BRINP1: variants seen among roughly 807,000 people sequenced by gnomAD.
BRINP1 encodes BMP/retinoic acid inducible neural specific 1.
Under a neutral mutation model 72.9 loss-of-function variants are expected in BRINP1, and 17 were observed. The ratio of observed to expected loss-of-function variants is 0.23; its 90% confidence interval spans 0.16 to 0.35. The LOEUF is 0.35. Ranked by LOEUF, BRINP1 falls within the 10% of genes least tolerant of loss-of-function variation. The pLI, the probability that BRINP1 is intolerant of heterozygous loss-of-function variation, is 1.00. For synonymous variants in BRINP1, 418 were observed against 378.5 expected, an observed-to-expected ratio of 1.10 and a Z score of -1.21; for missense variants, 850 against 1,001.6, an observed-to-expected ratio of 0.85 and a Z score of 2.04.
chr9:119,217,069 G>A (rs1296567806), intron 5 of BRINP1, among the ~76,000 whole-genome samples: 1 of 152,164 alleles, frequency 6.6e-6, no homozygotes, highest in East Asian at 1.9e-4. Flanking sequence ...ACTGTTTAAA[G>A]TTACATAACC....
chr9:119,280,404 AT>A (rs547288880), intron 2 of BRINP1, among the ~76,000 whole-genome samples: 302 of 141,858 alleles, frequency 2.1e-3, no homozygotes, highest in Middle Eastern at 7.2e-3. Flanking sequence ...ACACCCAGCT[AT>A]TTTTTTTTTT....
chr9:119,167,652 T>A lies in BRINP1; in HGVS notation c.1718A>T (p.Glu573Val). The A allele has an allele frequency of 6.2e-7, 1 of 1,613,946 alleles. No homozygotes were observed. Among genetic ancestry groups the A allele is most frequent in the Non-Finnish European group, 8.5e-7 (1 of 1,179,998 alleles). ...YVNPFSGSHS[E>V]GWNMPFGEFG... Reference sequence around the variant, plus strand: ...TTCCCCGAAGGGCATGTTCCAGCCCTCCGAATGGCTCCCGCTAAAGGGGTT... The same window carrying A: ...TTCCCCGAAGGGCATGTTCCAGCCCACCGAATGGCTCCCGCTAAAGGGGTT... Residue 573 changes from glutamate (E) to valine (V), a missense_variant, in exon 8 of 8, where the codon GAG becomes GTG. Coordinates refer to ENST00000265922, the MANE Select transcript of BRINP1 (RefSeq NM_014618.3). This position sits in a 1 kb window ranked among gnomAD's most constrained non-coding sequence, Gnocchi z 4.3.
chr9:119,170,017 C>A (rs1423381542), intron 7 of BRINP1, among the ~76,000 whole-genome samples: 1 of 152,086 alleles, frequency 6.6e-6, no homozygotes, highest in Non-Finnish European at 1.5e-5. Flanking sequence ...TAGATAAAAC[C>A]ACAAAGATGG....
chr9:119,208,690 G>T, intron 7 of BRINP1, 29 bp downstream of exon 7: 1 of 1,597,418 alleles, frequency 6.3e-7, no homozygotes, highest in Non-Finnish European at 8.6e-7. Context: ...GTAGGTGCCT[G>T]CAGAGGTGGA....
chr9:119,336,956 G>A (rs1219119439), intron 1 of BRINP1, among the ~76,000 whole-genome samples: 1 of 152,178 alleles, frequency 6.6e-6, no homozygotes, highest in Non-Finnish European at 1.5e-5. Flanking sequence ...GGATGGGGAA[G>A]CCTTTTCTTT....
intron 5 of BRINP1, among the ~76,000 whole-genome samples, chr9:119,228,734 T>C (rs908398365): frequency 1.3e-5 from 2 of 151,978 alleles, no homozygotes; most frequent in African/African-American, 4.8e-5. Flanking sequence ...ATCTGCGTGA[T>C]TGCGCGTGTT....
intron 2 of BRINP1, among the ~76,000 whole-genome samples, chr9:119,261,309 A>G (rs1160736731): frequency 6.6e-6 from 1 of 152,186 alleles, no homozygotes; most frequent in African/African-American, 2.4e-5. Flanking sequence ...TCTTCTGGAT[A>G]CCTAGGTGAA....
At chr9:119,219,684 AGAGAGAGAGAG>A (rs1830018674) in intron 5 of BRINP1, among the ~76,000 whole-genome samples, 1 of 146,160 alleles carries the variant, frequency 6.8e-6, no homozygotes, top group East Asian at 2.0e-4. Flanking sequence ...AGAGAGAGAG[AGAGAGAGAGAG>A]AAAGAGATGT....
At chr9:119,312,744 GAATCCCAGTCCAACCACTTCTA>G (rs1271501407) in intron 2 of BRINP1, among the ~76,000 whole-genome samples, 6 of 152,150 alleles carry the variant, frequency 3.9e-5, no homozygotes, top group Admixed American at 1.3e-4. Flanking sequence ...ACCAGATTCT[GAATCCCAGTCCAACCACTTCTA>G]ACTATATGAC....
intron 2 of BRINP1, among the ~76,000 whole-genome samples, chr9:119,294,789 G>T (rs1830857106): frequency 1.3e-5 from 2 of 148,772 alleles, no homozygotes; most frequent in African/African-American, 4.9e-5. Flanking sequence ...CCAGGAGGTG[G>T]AGGTTGCAGT....
chr9:119,235,972 A>C lies in BRINP1; in HGVS notation c.685+2683T>G, dbSNP rs1015705586. 3.9e-5 allele frequency among the ~76,000 whole-genome samples: 6 copies of C among 152,318 alleles called. No individual in the cohort carries two copies. In the South Asian group the frequency reaches 1.2e-3, roughly 32 times the overall value. On this transcript the variant is annotated intron_variant, in intron 5 of 7. Transcript: ENST00000265922. ...ATTCCAGATTTGGTCATAAATGTGTACTAGAAAGATCCATTTTACATTGAG... is the reference window on the plus strand; with the variant it reads ...ATTCCAGATTTGGTCATAAATGTGTCCTAGAAAGATCCATTTTACATTGAG...
chr9:119,324,470 CTT>C (rs1831218776), intron 1 of BRINP1, among the ~76,000 whole-genome samples: 1 of 152,130 alleles, frequency 6.6e-6, no homozygotes, highest in African/African-American at 2.4e-5. Context: ...TAGGAAGAAA[CTT>C]TTAATTGGCA....
At chr9:119,271,050 A>G (rs951607595) in intron 2 of BRINP1, among the ~76,000 whole-genome samples, 1 of 152,200 alleles carries the variant, frequency 6.6e-6, no homozygotes, top group Non-Finnish European at 1.5e-5. Context: ...AAATGGGAGT[A>G]CACAGTTGTA....
intron 7 of BRINP1, among the ~76,000 whole-genome samples, chr9:119,197,693 G>T (rs1459350123): frequency 1.3e-5 from 1 of 79,574 alleles, no homozygotes; most frequent in African/African-American, 6.0e-5. Flanking sequence ...ACTCTTGTCT[G>T]GTGGGTTACA....
chr9:119,175,117 TATAAA>T, intron 7 of BRINP1, among the ~76,000 whole-genome samples: 1 of 51,486 alleles, frequency 1.9e-5, no homozygotes, highest in African/African-American at 1.7e-4. Flanking sequence ...TAAAGTAAAG[TATAAA>T]AAAAAAAAAA....
At chr9:119,351,818 A>AT (rs61335544) in intron 1 of BRINP1, among the ~76,000 whole-genome samples, 39 of 150,140 alleles carry the variant, frequency 2.6e-4, no homozygotes, top group African/African-American at 6.8e-4. Flanking sequence ...TTATTTTTTT[A>AT]TTTTTTTTTT....
intron 3 of BRINP1, among the ~76,000 whole-genome samples, chr9:119,244,690 A>G (rs778763141): frequency 6.6e-6 from 1 of 152,226 alleles, no homozygotes; most frequent in Non-Finnish European, 1.5e-5. Context: ...GCAAACCTTT[A>G]GATCAAGAGG....
intron 1 of BRINP1, among the ~76,000 whole-genome samples, chr9:119,326,970 G>A (rs1831248062): frequency 6.6e-6 from 1 of 152,160 alleles, no homozygotes; most frequent in African/African-American, 2.4e-5. Context: ...AGAGAAGCAT[G>A]TGAAATGGCA....
intron 1 of BRINP1, among the ~76,000 whole-genome samples, chr9:119,362,508 T>G (rs923190609): frequency 3.9e-5 from 6 of 152,176 alleles, no homozygotes; most frequent in African/African-American, 1.2e-4. Flanking sequence ...ATCGGTACTA[T>G]TAGATTGCCA....
Sources: allele counts gnomAD v4.1 joint callset (sites outside exome capture counted in the v4.1 genomes callset), GRCh38; gene constraint gnomAD v4.1.1; non-coding constraint Gnocchi (gnomAD v3.1); transcripts MANE v1.5; gene names NCBI Gene and HGNC (gene_info 2026-07-23, HGNC 2026-07-21).